LRRFIP1: variants seen among roughly 807,000 people sequenced by gnomAD.
The protein encoded by LRRFIP1 is leucine-rich repeat flightless-interacting protein 1.
In LRRFIP1, 62 loss-of-function variants were observed where a neutral mutation model predicts 104.4. That is an observed-to-expected ratio of 0.59 (90% CI 0.48 to 0.73). The LOEUF (loss-of-function observed/expected upper bound fraction) is 0.73, where lower values mean the gene tolerates loss of function less well. Among genes scored for constraint, LRRFIP1 ranks in the 30% least tolerant of loss-of-function variants. The pLI is 0.00. For synonymous variants in LRRFIP1, 300 were observed against 299.0 expected (o/e 1.00, Z -0.03); for missense variants, 796 against 824.5 (o/e 0.97, Z 0.42).
At chr2:237,722,118 G>A (rs1278910528) in intron 6 of LRRFIP1, 1 of 152,242 alleles carries the variant, frequency 6.6e-6, no homozygotes, top group African/African-American at 2.4e-5. Flanking sequence ...GGGAGCGACC[G>A]AGAGAGGAGG....
chr2:237,769,146 G>C (rs892477625), intron 19 of LRRFIP1: 1 of 151,960 alleles, frequency 6.6e-6, no homozygotes, highest in Non-Finnish European at 1.5e-5. Context: ...ACCTGTGTCA[G>C]AGCGAGTGTG....
chr2:237,655,547 C>T (rs2086677487), intron 1 of LRRFIP1, among the ~76,000 whole-genome samples: 1 of 152,216 alleles, frequency 6.6e-6, no homozygotes, highest in Non-Finnish European at 1.5e-5. Context: ...AGTGAACTTC[C>T]TGTTGCTGTG....
In LRRFIP1 at chr2:237,763,093, C is replaced by T. The variant is rs200356938; in HGVS notation, c.1459+2888C>T. On this transcript the variant is annotated intron_variant, in intron 19 of 23. Coordinates refer to ENST00000308482, the MANE Select transcript of LRRFIP1 (RefSeq NM_001137550.2). ...ATGATGACAAATGTATGGTAGAGGT[C>T]CCCCAAGAGTTAGAGACAAGCACAG... The T allele has an allele frequency of 2.0e-5, 32 of 1,614,114 alleles. No homozygotes were observed. The East Asian group carries it at 6.2e-4, about 31-fold the overall frequency.
chr2:237,655,150 G>C (rs192751442), intron 1 of LRRFIP1, among the ~76,000 whole-genome samples: 2 of 47,918 alleles, frequency 4.2e-5, no homozygotes, highest in African/African-American at 1.8e-4. Flanking sequence ...TCGCTCTGTC[G>C]CCCAGGCTGG....
chr2:237,732,267 C>T (rs746853368), intron 8 of LRRFIP1, among the ~76,000 whole-genome samples: 2 of 152,036 alleles, frequency 1.3e-5, no homozygotes, highest in Non-Finnish European at 2.9e-5. Flanking sequence ...ACTGATGTAC[C>T]TTTGCGATGC....
At chr2:237,641,496 CAAAAA>C (rs10645424) in intron 1 of LRRFIP1, among the ~76,000 whole-genome samples, 4 of 121,974 alleles carry the variant, frequency 3.3e-5, no homozygotes, top group Non-Finnish European at 3.4e-5. Flanking sequence ...GACTCTGTCT[CAAAAA>C]AAAAAAAAAA....
At position 237,703,360 on chromosome 2, in the gene LRRFIP1, G is replaced by A. The variant is rs936830603; in HGVS notation, c.97-5184G>A. On this transcript the variant is annotated intron_variant, in intron 1 of 23. Transcript: ENST00000308482. The surrounding 1 kb of genome is among the most constrained non-coding windows in gnomAD (Gnocchi z 4.3). Reference sequence around the variant, plus strand: ...TGTCAACTCACTTCCTTGGTTTCCTGTTGCTCTTCCCACCCCATACCTGCT... The same window carrying A: ...TGTCAACTCACTTCCTTGGTTTCCTATTGCTCTTCCCACCCCATACCTGCT... 4.1e-4 allele frequency among the ~76,000 whole-genome samples: 63 copies of A among 152,146 alleles called. No homozygotes were observed. The highest frequency in any genetic ancestry group is 1.4e-3 in the African/African-American group (57 of 41,398).
At chr2:237,708,255 G>A (rs1179002507) in intron 1 of LRRFIP1, among the ~76,000 whole-genome samples, 2 of 152,220 alleles carry the variant, frequency 1.3e-5, no homozygotes, top group Non-Finnish European at 2.9e-5. Context: ...AACTGGGGAT[G>A]GTAACAGTCT....
intron 1 of LRRFIP1, among the ~76,000 whole-genome samples, chr2:237,663,228 G>A (rs2088408429): frequency 1.3e-5 from 2 of 152,222 alleles, no homozygotes; most frequent in Admixed American, 1.3e-4. Flanking sequence ...TAAAAGAAAT[G>A]AGTAAGATTG....
At chr2:237,683,111 C>T (rs1315049077) in intron 1 of LRRFIP1, among the ~76,000 whole-genome samples, 1 of 152,228 alleles carries the variant, frequency 6.6e-6, no homozygotes, top group African/African-American at 2.4e-5. Context: ...TGTGCAACCC[C>T]AAACGTCAGG....
chr2:237,687,106 A>G (rs182693378), intron 1 of LRRFIP1, among the ~76,000 whole-genome samples: 11 of 152,348 alleles, frequency 7.2e-5, no homozygotes, highest in Admixed American at 6.5e-4. Flanking sequence ...GGTGCATTCC[A>G]TCATGATGTG....
chr2:237,695,419 T>A (rs2093110253), intron 1 of LRRFIP1, among the ~76,000 whole-genome samples: 1 of 152,218 alleles, frequency 6.6e-6, no homozygotes, highest in African/African-American at 2.4e-5. Flanking sequence ...GAGATTCTTA[T>A]CCAATCCCTA....
intron 6 of LRRFIP1, among the ~76,000 whole-genome samples, chr2:237,722,775 T>G (rs1357511068): frequency 6.6e-6 from 1 of 152,142 alleles, no homozygotes; most frequent in Non-Finnish European, 1.5e-5. Context: ...GAGGCCTGCG[T>G]GGGGTCACAG....
rs1294590121 is a variant in LRRFIP1 at position 237,711,488 on chromosome 2, C to T, written c.184-2771C>T. Among the ~76,000 whole-genome samples, 1 of 152,230 alleles carries T rather than the reference C, an allele frequency of 6.6e-6. No individual in the cohort carries two copies. Among genetic ancestry groups the T allele is most frequent in the Non-Finnish European group, 1.5e-5 (1 of 68,032 alleles). ...AGGGGGTGGTGTCCCTTGCAGGCAG[C>T]ACCTTTGGCCAACGTCACCTTTTGC... On this transcript the variant is annotated intron_variant, in intron 2 of 23. Transcript: ENST00000308482. The surrounding 1 kb of genome is among the most constrained non-coding windows in gnomAD (Gnocchi z 4.4).
At chr2:237,653,321 A>G (rs1469939185) in intron 1 of LRRFIP1, among the ~76,000 whole-genome samples, 3 of 152,228 alleles carry the variant, frequency 2.0e-5, no homozygotes, top group African/African-American at 7.2e-5. Flanking sequence ...AAGGATCTGT[A>G]CATTAAGAAC....
intron 13 of LRRFIP1, among the ~76,000 whole-genome samples, chr2:237,750,980 TA>T (rs2058558423): frequency 6.6e-6 from 1 of 152,180 alleles, no homozygotes; most frequent in South Asian, 2.1e-4. Context: ...TCATATGAGA[TA>T]CACTAAAATT....
At chr2:237,660,832 C>T (rs1022677287) in intron 1 of LRRFIP1, among the ~76,000 whole-genome samples, 10 of 152,008 alleles carry the variant, frequency 6.6e-5, no homozygotes, top group African/African-American at 2.4e-4. Context: ...GAACAGCGCA[C>T]GGTGCTACAT....
At chr2:237,739,356 C>G (rs1361954755) in intron 11 of LRRFIP1, 47 bp downstream of exon 11, 1 of 1,476,034 alleles carries the variant, frequency 6.8e-7, no homozygotes, top group Non-Finnish European at 9.2e-7. Flanking sequence ...CACCCTCCCT[C>G]CCCCTTCCCT....
At chr2:237,655,656 C>T (rs1446729602) in intron 1 of LRRFIP1, among the ~76,000 whole-genome samples, 1 of 152,126 alleles carries the variant, frequency 6.6e-6, no homozygotes, top group East Asian at 1.9e-4. Flanking sequence ...TTTGGGTGCT[C>T]GTTTTGTGAT....
Sources: gnomAD v4.1 joint callset for allele counts (sites outside exome capture counted in the v4.1 genomes callset) on GRCh38, gnomAD v4.1.1 for gene constraint, Gnocchi (gnomAD v3.1) non-coding constraint, MANE v1.5 for transcripts, NCBI Gene and HGNC (gene_info 2026-07-23, HGNC 2026-07-21) for gene names.